Variants in DPH6 observed in about 807,000 individuals in gnomAD.
DPH6 encodes the protein diphthine--ammonia ligase.
In DPH6, 33 loss-of-function variants were observed where a neutral mutation model predicts 38.2. The observed-to-expected ratio is 0.86, with a 90% confidence interval of 0.65 to 1.15. DPH6 has a LOEUF of 1.15. Among genes scored for constraint, DPH6 ranks in the 50% most tolerant of loss-of-function variants. The probability of loss-of-function intolerance (pLI) is 0.00; values close to 1 mark genes in which losing one functional copy is unlikely to be tolerated. For missense variants in DPH6, 325 were observed against 320.0 expected (o/e 1.02, Z -0.12); for synonymous variants, 108 against 103.0 (o/e 1.05, Z -0.30).
At chr15:35,250,022 C>T (rs956122637) in intron 3 of DPH6, among the ~76,000 whole-genome samples, 3 of 151,538 alleles carry the variant, frequency 2.0e-5, no homozygotes, top group South Asian at 2.1e-4. Context: ...AAAAATTAGC[C>T]GGGCGTGGTG....
At chr15:35,241,693 T>C (rs1307992518) in intron 3 of DPH6, among the ~76,000 whole-genome samples, 6 of 141,890 alleles carry the variant, frequency 4.2e-5, no homozygotes, top group African/African-American at 1.5e-4. Context: ...TACTCCCTCC[T>C]TGTCGACCGA....
At chr15:35,471,262 T>C (rs1424375040) in intron 3 of DPH6, among the ~76,000 whole-genome samples, 1 of 152,154 alleles carries the variant, frequency 6.6e-6, no homozygotes, top group Non-Finnish European at 1.5e-5. Flanking sequence ...AACATAAGAC[T>C]CTCTCCACTC....
At chr15:35,386,385 A>G (rs1386127365) in intron 6 of DPH6, among the ~76,000 whole-genome samples, 1 of 152,210 alleles carries the variant, frequency 6.6e-6, no homozygotes, top group Non-Finnish European at 1.5e-5. Flanking sequence ...GCTGGGTCAA[A>G]TGGTATTTCT....
intron 3 of DPH6, among the ~76,000 whole-genome samples, chr15:35,256,524 T>C (rs1269370235): frequency 6.6e-6 from 1 of 152,222 alleles, no homozygotes; most frequent in East Asian, 1.9e-4. Flanking sequence ...TACTAAAATA[T>C]AATTTTTTTT....
chr15:35,419,814 G>A (rs2053481963), intron 5 of DPH6, among the ~76,000 whole-genome samples: 1 of 152,090 alleles, frequency 6.6e-6, no homozygotes, highest in Non-Finnish European at 1.5e-5. Context: ...CAAGTCTGAA[G>A]AGGCATAGAC....
chr15:35,147,691 G>C, the DPH6 span, among the ~76,000 whole-genome samples: 2 of 152,194 alleles, frequency 1.3e-5, no homozygotes, highest in Non-Finnish European at 2.9e-5. Context: ...AACTCACTAA[G>C]ACAGATGGTC....
chr15:35,302,072 A>G (rs1184844013), intron 3 of DPH6, among the ~76,000 whole-genome samples: 1 of 152,212 alleles, frequency 6.6e-6, no homozygotes, highest in Non-Finnish European at 1.5e-5. Flanking sequence ...GTAAAAATAT[A>G]TGCATACAAA....
At chr15:35,480,701 CTTA>C (rs145186173) in intron 3 of DPH6, among the ~76,000 whole-genome samples, 14,078 of 151,740 alleles carry the variant, frequency 0.093, 884 homozygotes, top group African/African-American at 0.18. Context: ...ATTAAATCAT[CTTA>C]TAATTAAGGT....
At chr15:35,179,166 A>G in the DPH6 span, among the ~76,000 whole-genome samples, 16 of 140,986 alleles carry the variant, frequency 1.1e-4, no homozygotes, top group East Asian at 3.6e-3. Context: ...AGATTGCGCC[A>G]TTGCACCCCA....
intron 3 of DPH6, among the ~76,000 whole-genome samples, chr15:35,263,445 G>A (rs2051762247): frequency 8.2e-6 from 1 of 122,684 alleles, no homozygotes; most frequent in Non-Finnish European, 1.6e-5. Flanking sequence ...TCACTCTCTC[G>A]CCTAGGCTAG....
chr15:35,401,269 G>A, intron 6 of DPH6: 1 of 941,076 alleles, frequency 1.1e-6, no homozygotes, highest in Admixed American at 1.7e-5. Context: ...TGGTGGTTGT[G>A]GAGACAGTTT....
At chr15:35,276,093 C>T (rs2051857578) in intron 3 of DPH6, among the ~76,000 whole-genome samples, 1 of 152,214 alleles carries the variant, frequency 6.6e-6, no homozygotes, top group Non-Finnish European at 1.5e-5. Flanking sequence ...CTGTTCACCA[C>T]ATCCATGCCA....
chr15:35,309,218 C>G (rs1279317742), intron 3 of DPH6, among the ~76,000 whole-genome samples: 1 of 152,006 alleles, frequency 6.6e-6, no homozygotes, highest in Non-Finnish European at 1.5e-5. Flanking sequence ...AAATGCCTAA[C>G]CAATGGGTCA....
chr15:35,235,313 C>CAACTTTTGTCTGAGGCTGCACTG (rs1253817262), intron 3 of DPH6, among the ~76,000 whole-genome samples: 1 of 152,146 alleles, frequency 6.6e-6, no homozygotes, highest in East Asian at 1.9e-4. Context: ...CCATGCAAGA[C>CAACTTTTGTCTGAGGCTGCACTG]AACTTTTGTC....
At chr15:35,399,584 G>A (rs750426292) in intron 6 of DPH6, among the ~76,000 whole-genome samples, 13 of 152,102 alleles carry the variant, frequency 8.5e-5, no homozygotes, top group Non-Finnish European at 8.8e-5. Context: ...ATACACCTAA[G>A]AGTCACAATT....
chr15:35,453,128 C>A (rs118112596), intron 4 of DPH6, among the ~76,000 whole-genome samples: 2 of 152,268 alleles, frequency 1.3e-5, no homozygotes, highest in East Asian at 3.9e-4. Flanking sequence ...CCAATGGACT[C>A]CCAGTAACAT....
At chr15:35,404,272 C>G (rs2053260848) in intron 6 of DPH6, among the ~76,000 whole-genome samples, 2 of 152,040 alleles carry the variant, frequency 1.3e-5, no homozygotes. Flanking sequence ...CATATAGTAG[C>G]TCTATTTTTT....
At position 35,363,152 on chromosome 15, in the gene DPH6, C is replaced by T. The variant is rs889755084; in HGVS notation, n.207+10369G>A. The stretch of plus-strand genomic sequence containing the variant: ...TTGTGTTTCTATGTTTGTAGGGTCA[C>T]GTTTGCTAATTGTGTTATTTTAATT... On this transcript the variant is annotated intron_variant and non_coding_transcript_variant, in intron 3 of 3. Transcript: ENST00000558973. Among the ~76,000 whole-genome samples the T allele has an allele frequency of 3.3e-5, 5 of 152,128 alleles. No individual in the cohort carries two copies. The East Asian group carries it at 5.8e-4, about 18-fold the overall frequency.
At chr15:35,251,087 G>A (rs1225717839) in intron 3 of DPH6, among the ~76,000 whole-genome samples, 1 of 152,130 alleles carries the variant, frequency 6.6e-6, no homozygotes, top group Non-Finnish European at 1.5e-5. Flanking sequence ...GAAAAATGCA[G>A]TGTCTCTATT....
Sources: allele counts gnomAD v4.1 joint callset (sites outside exome capture counted in the v4.1 genomes callset), GRCh38; gene constraint gnomAD v4.1.1; transcripts MANE v1.5; gene names NCBI Gene and HGNC (gene_info 2026-07-23, HGNC 2026-07-21).